Variants in CBLB observed in about 807,000 individuals in gnomAD.
The protein encoded by CBLB is Cbl proto-oncogene B.
Under a neutral mutation model 104.9 loss-of-function variants are expected in CBLB, and 31 were observed. The observed-to-expected ratio is 0.30, with a 90% CI of 0.22 to 0.40. CBLB has a LOEUF of 0.40. Among genes scored for constraint, CBLB ranks in the 10% least tolerant of loss-of-function variants. The pLI, the probability that CBLB is intolerant of heterozygous loss-of-function variation, is 1.00. For synonymous variants in CBLB, 440 were observed against 422.6 expected, an observed-to-expected ratio of 1.04 and a Z score of -0.51; for missense variants, 1,062 against 1,214.6, an observed-to-expected ratio of 0.87 and a Z score of 1.87.
intron 17 of CBLB, among the ~76,000 whole-genome samples, chr3:105,674,815 T>C (rs1431701933): frequency 2.6e-5 from 4 of 152,202 alleles, no homozygotes; most frequent in Admixed American, 2.6e-4. Context: ...AGGGCTCATG[T>C]ACAGCTGTAG....
intron 3 of CBLB, among the ~76,000 whole-genome samples, chr3:105,807,889 T>A (rs1369350407): frequency 6.6e-6 from 1 of 152,108 alleles, no homozygotes; most frequent in Non-Finnish European, 1.5e-5. Context: ...ATACAACTAG[T>A]TGGAAATAGA....
At position 105,655,929 on chromosome 3, in the gene CBLB, T is replaced by C. The variant is rs2063309871; in HGVS notation, c.*3041A>G. 1 of 227,004 alleles carries C rather than the reference T, an allele frequency of 4.4e-6. No homozygotes were observed. The highest frequency in any genetic ancestry group is 2.2e-5 in the African/African-American group (1 of 44,968). The allele number at this position is 227,004 out of a possible 1,614,324, so 14.1% of individuals were successfully genotyped here. ...GAAATCTTTGCAAGTGTTCTTGGTA[T>C]ATGAAATGCTGAGTTAAGAAATGGG... On this transcript the variant is annotated 3_prime_UTR_variant, in exon 19 of 19. Coordinates refer to ENST00000394030, the MANE Select transcript of CBLB (RefSeq NM_170662.5).
intron 3 of CBLB, among the ~76,000 whole-genome samples, chr3:105,797,363 T>C (rs2082358642): frequency 6.6e-6 from 1 of 152,070 alleles, no homozygotes; most frequent in Non-Finnish European, 1.5e-5. Flanking sequence ...ATCCTCTTGT[T>C]TAGCTCTCAC....
chr3:105,794,355 T>C (rs1386007270), intron 3 of CBLB, among the ~76,000 whole-genome samples: 1 of 152,198 alleles, frequency 6.6e-6, no homozygotes, highest in Non-Finnish European at 1.5e-5. Context: ...TAATACTACT[T>C]AATTACTGTA....
At chr3:105,821,118 T>C (rs914273922) in intron 3 of CBLB, among the ~76,000 whole-genome samples, 3 of 152,174 alleles carry the variant, frequency 2.0e-5, no homozygotes, top group Non-Finnish European at 4.4e-5. Flanking sequence ...TTACCAAATT[T>C]ATAGGATGAA....
At chr3:105,825,833 A>C (rs1251767932) in intron 3 of CBLB, among the ~76,000 whole-genome samples, 4 of 152,192 alleles carry the variant, frequency 2.6e-5, no homozygotes, top group African/African-American at 4.8e-5. Context: ...TCACAGACTA[A>C]TGTTAAGCAT....
chr3:105,759,355 T>C (rs1043146742), intron 4 of CBLB, among the ~76,000 whole-genome samples: 1 of 152,186 alleles, frequency 6.6e-6, no homozygotes, highest in Non-Finnish European at 1.5e-5. Context: ...CACCAGGAAC[T>C]GACAGCCCGG....
At chr3:105,754,493 A>AAGAGAGAGAGAGAGAGAGAGAGAG (rs1208848396) in intron 4 of CBLB, among the ~76,000 whole-genome samples, 2 of 64,234 alleles carry the variant, frequency 3.1e-5, no homozygotes, top group African/African-American at 1.1e-4. Flanking sequence ...AAGAAAAGGG[A>AAGAGAGAGAGAGAGAGAGAGAGAG]AGAGAGAGAG....
chr3:105,851,283 A>G (rs2090913071), intron 3 of CBLB, among the ~76,000 whole-genome samples: 1 of 152,228 alleles, frequency 6.6e-6, no homozygotes, highest in South Asian at 2.1e-4. Context: ...CCAATCTGAA[A>G]AAGTTACATA....
At position 105,655,669 on chromosome 3, in the gene CBLB, T is replaced by G. The variant is rs1006390789; in HGVS notation, c.*3301A>C. On this transcript the variant is annotated 3_prime_UTR_variant, in exon 19 of 19. Transcript: ENST00000394030. Reference sequence around the variant, plus strand: ...AAACCCTTCACTCTATTGGTGTCTTTGTCTGGAAAACTTTCCCAGAATCAC... The same window carrying G: ...AAACCCTTCACTCTATTGGTGTCTTGGTCTGGAAAACTTTCCCAGAATCAC... 5.1e-6 allele frequency: 1 copy of G among 197,278 alleles called. No individual in the cohort carries two copies. Among genetic ancestry groups the G allele is most frequent in the African/African-American group, 2.3e-5 (1 of 43,372 alleles). The allele number at this position is 197,278 out of a possible 1,614,324, so 12.2% of individuals were successfully genotyped here.
chr3:105,742,882 T>G (rs1260128041), intron 6 of CBLB, among the ~76,000 whole-genome samples: 1 of 150,760 alleles, frequency 6.6e-6, no homozygotes, highest in Non-Finnish European at 1.5e-5. Flanking sequence ...ACATTTTTAA[T>G]TCATGTCCTT....
At chr3:105,817,710 G>GT (rs2085266713) in intron 3 of CBLB, among the ~76,000 whole-genome samples, 1 of 152,164 alleles carries the variant, frequency 6.6e-6, no homozygotes, top group African/African-American at 2.4e-5. Flanking sequence ...GGCATTAGTT[G>GT]TAAGAAAAGA....
Position 105,702,284 on chromosome 3 carries a change from A to G in CBLB, c.1769T>C (p.Leu590Pro), listed in dbSNP as rs2069256591. The change falls in exon 12 of 19, where the codon CTT (leucine) becomes CCT (proline). Residue 590 changes from leucine to proline, a missense_variant. Leu to Pro is a moderately conservative substitution (Grantham distance 98). Transcript: ENST00000394030. ...CACATCCCGAGGGCACCATGCTTCA[A>G]GAGGCATTGGCGGGTCTCTGGAAGG... Reference protein sequence around the residue: ...SVPSRDPPMPLEAWCPRDVFG... With the variant: ...SVPSRDPPMPPEAWCPRDVFG... 6.2e-7 allele frequency: 1 copy of G among 1,614,050 alleles called. No homozygotes were observed. The highest frequency in any genetic ancestry group is 8.5e-7 in the Non-Finnish European group (1 of 1,180,008).
At chr3:105,816,146 T>TACCTATGTAACAAACCTGCAC (rs1405215423) in intron 3 of CBLB, among the ~76,000 whole-genome samples, 11 of 152,160 alleles carry the variant, frequency 7.2e-5, no homozygotes, top group Non-Finnish European at 1.2e-4. Context: ...GGCACATGCA[T>TACCTATGTAACAAACCTGCAC]ACCTATGTAA....
chr3:105,784,989 CCCACATGGAA>C (rs2080800902), intron 3 of CBLB, among the ~76,000 whole-genome samples: 1 of 152,170 alleles, frequency 6.6e-6, no homozygotes, highest in Admixed American at 6.5e-5. Context: ...CGTCAAAATA[CCCACATGGAA>C]TCTTTTCCCT....
chr3:105,684,741 C>G (rs1460242511), intron 14 of CBLB, among the ~76,000 whole-genome samples: 1 of 152,030 alleles, frequency 6.6e-6, no homozygotes, highest in Non-Finnish European at 1.5e-5. Context: ...TTAGTAGAGA[C>G]AGGGTTTCAC....
chr3:105,815,648 A>G (rs971728203), intron 3 of CBLB, among the ~76,000 whole-genome samples: 2 of 152,222 alleles, frequency 1.3e-5, no homozygotes, highest in African/African-American at 4.8e-5. Flanking sequence ...GCGATTCCTC[A>G]AGGATATAGA....
chr3:105,803,246 G>C (rs531210319), intron 3 of CBLB, among the ~76,000 whole-genome samples: 2 of 152,258 alleles, frequency 1.3e-5, no homozygotes, highest in South Asian at 4.1e-4. Flanking sequence ...AATAATTATG[G>C]AACTTCTACT....
chr3:105,788,929 C>T (rs923224861), intron 3 of CBLB, among the ~76,000 whole-genome samples: 2 of 152,170 alleles, frequency 1.3e-5, no homozygotes, highest in African/African-American at 2.4e-5. Flanking sequence ...CAAGAAATCA[C>T]GTAGAAAGAC....
Sources: allele counts gnomAD v4.1 joint callset (sites outside exome capture counted in the v4.1 genomes callset), GRCh38; gene constraint gnomAD v4.1.1; transcripts MANE v1.5; gene names NCBI Gene and HGNC (gene_info 2026-07-23, HGNC 2026-07-21).